C1QTNF5: variants seen among roughly 807,000 people sequenced by gnomAD.
C1QTNF5 encodes the protein complement C1q tumor necrosis factor-related protein 5.
In C1QTNF5, 5 loss-of-function variants were observed where a neutral mutation model predicts 10.9. The observed-to-expected ratio is 0.46, with a 90% confidence interval of 0.24 to 0.97. C1QTNF5 has a LOEUF of 0.97. Among genes scored for constraint, C1QTNF5 ranks in the 50% least tolerant of loss-of-function variants. C1QTNF5 has a pLI of 0.19. For missense variants in C1QTNF5, 281 were observed against 339.4 expected (o/e 0.83, Z 1.35); for synonymous variants, 161 against 156.5 (o/e 1.03, Z -0.22).
chr11:119,345,112 C>T, upstream of C1QTNF5: 2 of 1,437,148 alleles, frequency 1.4e-6, no homozygotes, highest in South Asian at 1.3e-5. Context: ...AAACTGGTGA[C>T]CATGTGGTCA....
At chr11:119,344,966 T>C, upstream of C1QTNF5, 1 of 1,609,256 alleles carries the variant, frequency 6.2e-7, no homozygotes, top group Non-Finnish European at 8.5e-7. Flanking sequence ...GTGGCTGGCA[T>C]TGGTGTTGAG....
chr11:119,341,139 T>G, upstream of C1QTNF5: 1 of 245,914 alleles, frequency 4.1e-6, no homozygotes, highest in Non-Finnish European at 8.1e-6. Flanking sequence ...TGGAGAGTTC[T>G]AGAGGCAGAC....
At chr11:119,346,013 A>G in the C1QTNF5 span, 1 of 1,612,966 alleles carries the variant, frequency 6.2e-7, no homozygotes, top group South Asian at 1.1e-5. Flanking sequence ...TTCATTCCAA[A>G]GCCCTCGTTT....
At position 119,339,186 on chromosome 11, in the gene C1QTNF5, G is replaced by T; in HGVS notation, c.*145C>A. 1 of 901,218 alleles carries T rather than the reference G, an allele frequency of 1.1e-6. No homozygotes were observed. The highest frequency in any genetic ancestry group is 1.7e-6 in the Non-Finnish European group (1 of 605,370). The allele number at this position is 901,218 out of a possible 1,614,324, so 55.8% of individuals were successfully genotyped here. On this transcript the variant is annotated 3_prime_UTR_variant, in exon 3 of 3. Coordinates refer to ENST00000528368, the MANE Select transcript of C1QTNF5 (RefSeq NM_001278431.2). The surrounding 1 kb of genome is among the most constrained non-coding windows in gnomAD (Gnocchi z 5.4). ...CAGACAGCCACTGTTCCCATTCCTT[G>T]CCAGCAGCAGGACGGAGAGTGCTCT...
chr11:119,346,550 G>A, the C1QTNF5 span: 1 of 1,606,886 alleles, frequency 6.2e-7, no homozygotes, highest in Non-Finnish European at 8.5e-7. Context: ...GAGTCCCTGT[G>A]ACAGCCCAAG....
chr11:119,342,024 A>T, upstream of C1QTNF5: 1 of 1,611,430 alleles, frequency 6.2e-7, no homozygotes, highest in East Asian at 2.2e-5. Context: ...GGGACTGCTC[A>T]CTGGCTCTGT....
upstream of C1QTNF5, among the ~76,000 whole-genome samples, chr11:119,343,236 C>T (rs1207826954): frequency 6.6e-6 from 1 of 152,214 alleles, no homozygotes; most frequent in African/African-American, 2.4e-5. Flanking sequence ...AGCAGCCTGG[C>T]ATTGTGGCTC....
upstream of C1QTNF5, chr11:119,345,097 C>A (rs1312871040): frequency 3.3e-6 from 5 of 1,495,252 alleles, no homozygotes; most frequent in African/African-American, 6.9e-5. Context: ...ATTTTCTCAA[C>A]CCCCAAACTG....
chr11:119,342,099 G>T, upstream of C1QTNF5: 1 of 1,204,582 alleles, frequency 8.3e-7, no homozygotes, highest in Non-Finnish European at 1.2e-6. Flanking sequence ...GGGTGGTTGT[G>T]AGGAAGCAAG....
chr11:119,343,913 A>G (rs747581258), upstream of C1QTNF5: 2 of 1,613,518 alleles, frequency 1.2e-6, no homozygotes, highest in East Asian at 4.5e-5. Context: ...AAGTTGTGGA[A>G]CTGTAGTTCT....
At chr11:119,343,335 A>T (rs1950522280), upstream of C1QTNF5, among the ~76,000 whole-genome samples, 1 of 152,156 alleles carries the variant, frequency 6.6e-6, no homozygotes, top group Admixed American at 6.5e-5. Context: ...ATATAGTGAG[A>T]CCTTGTCTTT....
intron 1 of C1QTNF5, 92 bp downstream of exon 1, chr11:119,340,603 G>A: frequency 1.7e-6 from 1 of 576,262 alleles, no homozygotes; most frequent in East Asian, 3.3e-5. Flanking sequence ...CGAGAGGGTG[G>A]GAGCGGCCAG....
rs1461179505 is a variant in C1QTNF5 at position 119,339,842 on chromosome 11, G to A, written c.221C>T (p.Pro74Leu). The change falls in exon 3 of 3, where the codon CCG becomes CTG. Residue 74 changes from proline (P) to leucine (L), a missense_variant. Pro to Leu is a moderately conservative substitution (Grantham distance 98). Transcript: ENST00000528368. This position sits in a 1 kb window ranked among gnomAD's most constrained non-coding sequence, Gnocchi z 5.4. ...CGGCCCGGGGTCCCCTCGAGGTCCC[G>A]GCAGTCCTGCGGGGTAAGCGGGGCG... ...EKGEGGRPGL[P>L]GPRGDPGPRG... The A allele has an allele frequency of 2.7e-6, 4 of 1,492,156 alleles. No homozygotes were observed. Among genetic ancestry groups the A allele is most frequent in the Non-Finnish European group, 2.7e-6 (3 of 1,128,488 alleles). 92.4% of individuals were successfully genotyped at this position (1,492,156 alleles called of 1,614,324 possible). A position where few individuals can be genotyped will look rare whatever the true frequency, so the allele number is the denominator to read the frequency against.
chr11:119,345,387 A>G, upstream of C1QTNF5: 2 of 1,602,880 alleles, frequency 1.2e-6, no homozygotes, highest in Non-Finnish European at 1.7e-6. Flanking sequence ...GGTTCAGGAC[A>G]CGGTGGGATG....
At chr11:119,343,106 C>G, upstream of C1QTNF5, 1 of 1,418,154 alleles carries the variant, frequency 7.1e-7, no homozygotes, top group South Asian at 1.2e-5. Flanking sequence ...CTGGATGATG[C>G]CAAAGGTGAT....
chr11:119,343,149 A>G (rs918784244), upstream of C1QTNF5: 7 of 1,008,914 alleles, frequency 6.9e-6, no homozygotes, highest in East Asian at 2.6e-5. Context: ...GGCGAGAAAG[A>G]CACATATATT....
upstream of C1QTNF5, chr11:119,341,709 G>A (rs777456147): frequency 5.0e-6 from 8 of 1,613,098 alleles, no homozygotes; most frequent in East Asian, 6.7e-5. Flanking sequence ...GGGGTGCAAC[G>A]GGGCACAAGC....
At chr11:119,341,851 G>A (rs1337897448), upstream of C1QTNF5, 1 of 1,606,872 alleles carries the variant, frequency 6.2e-7, no homozygotes, top group African/African-American at 1.3e-5. Context: ...CCTCCACCCA[G>A]AAGACCTTGT....
Position 119,340,054 on chromosome 11 carries a change from C to T in C1QTNF5, c.214+130G>A, listed in dbSNP as rs1031026887. 30 of 1,288,588 alleles carry T rather than the reference C, an allele frequency of 2.3e-5. No homozygotes were observed. In the African/African-American group the frequency reaches 4.0e-4, roughly 17 times the overall value. The allele number at this position is 1,288,588 out of a possible 1,614,324, so 79.8% of individuals were successfully genotyped here. A position where few individuals can be genotyped will look rare whatever the true frequency, so the allele number is the denominator to read the frequency against. ...GCTCCCGCCGCCTGGGCCCCTCCCC[C>T]GCTCAGGGCTGCAAAGCGCGGGGAG... is the stretch of plus-strand genomic sequence containing the variant. On this transcript the variant is annotated intron_variant, in intron 2 of 2. Transcript: ENST00000528368.
Sources: gnomAD v4.1 joint callset for allele counts (sites outside exome capture counted in the v4.1 genomes callset) on GRCh38, gnomAD v4.1.1 for gene constraint, Gnocchi (gnomAD v3.1) non-coding constraint, MANE v1.5 for transcripts, NCBI Gene and HGNC (gene_info 2026-07-23, HGNC 2026-07-21) for gene names.